Variants in IL17RE observed in about 807,000 individuals in gnomAD.
IL17RE encodes interleukin-17 receptor E.
Under a neutral mutation model 70.7 loss-of-function variants are expected in IL17RE, and 47 were observed. The ratio of observed to expected loss-of-function variants is 0.67; its 90% CI spans 0.53 to 0.85. IL17RE has a LOEUF of 0.85. Ranked by LOEUF, IL17RE falls within the 40% of genes least tolerant of loss-of-function variation. IL17RE has a pLI of 0.00. For synonymous variants in IL17RE, 372 were observed against 381.2 expected (o/e 0.98, Z 0.28); for missense variants, 850 against 893.9 (o/e 0.95, Z 0.63).
chr3:9,911,767 T>A, intron 12 of IL17RE, 170 bp downstream of exon 12: 1 of 605,454 alleles, frequency 1.7e-6, no homozygotes, highest in Non-Finnish European at 2.8e-6. Context: ...TTGCTGACAG[T>A]AGGTTCCTCA....
Position 9,911,127 on chromosome 3 carries a change from T to C in IL17RE, c.979T>C (p.Trp327Arg), listed in dbSNP as rs770102091. The change falls in exon 10 of 16, where the codon TGG (tryptophan) becomes CGG (arginine). Residue 327 changes from tryptophan (W) to arginine (R), a missense_variant and splice_region_variant. Physicochemically the swap from Trp to Arg is moderately radical, Grantham distance 101 (BLOSUM62 -3). Coordinates refer to ENST00000383814, the MANE Select transcript of IL17RE (RefSeq NM_153480.2). ...GATGAACTCTCCTCTCCTCCCACAG[T>C]GGTATGTTTTGGAGAAGGTGGACCT... ...PNATARESDG[W>R]YVLEKVDLHP... 5 of 1,613,970 alleles carry C rather than the reference T, an allele frequency of 3.1e-6. No homozygotes were observed. Among genetic ancestry groups the C allele is most frequent in the African/African-American group, 1.3e-5 (1 of 74,900 alleles).
rs747759318 is a variant in IL17RE, at chr3:9,906,456, G to C, written c.361G>C (p.Ala121Pro). Residue 121 changes from alanine to proline, a missense_variant, in exon 4 of 16, where the codon GCT becomes CCT. Transcript: ENST00000383814. ...TAGGAGACACAAGATGCCAGCACCT[G>C]CTCAGGTACTCTCCCTGTCAGTTCC... ...FYRRHKMPAPAQRKLLPRRHL... is the reference protein window; with the variant it reads ...FYRRHKMPAPPQRKLLPRRHL... 2 of 1,608,600 alleles carry C rather than the reference G, an allele frequency of 1.2e-6. No homozygotes were observed. The highest frequency in any genetic ancestry group is 1.7e-5 in the Admixed American group (1 of 59,978).
At chr3:9,902,512 A>G, upstream of IL17RE, 2 of 971,062 alleles carry the variant, frequency 2.1e-6, no homozygotes, top group African/African-American at 1.6e-5. Context: ...CTAATTCTCT[A>G]AGTGAGGGGG....
At chr3:9,913,843 G>A in intron 12 of IL17RE, 113 bp from the exon 13 acceptor site, 2 of 835,778 alleles carry the variant, frequency 2.4e-6, no homozygotes, top group East Asian at 2.5e-5. Context: ...CTTGGCCTAA[G>A]CCTCGTAGGA....
At position 9,911,239 on chromosome 3, in the gene IL17RE, T is replaced by C; in HGVS notation, c.1027-16T>C. ...TTGCCTGGAGCTTGCTAATCTGCCA[T>C]TCCTGTATTTCTCAGTTCTCTTTTG... On this transcript the variant is annotated splice_polypyrimidine_tract_variant and intron_variant, in intron 10 of 15. Transcript: ENST00000383814. 1 of 1,614,226 alleles carries C rather than the reference T, an allele frequency of 6.2e-7. No individual in the cohort carries two copies. Among genetic ancestry groups the C allele is most frequent in the Non-Finnish European group, 8.5e-7 (1 of 1,180,030 alleles).
At chr3:9,902,629 C>G, upstream of IL17RE, 1 of 1,536,136 alleles carries the variant, frequency 6.5e-7, no homozygotes, top group Non-Finnish European at 8.7e-7. Context: ...GGTGCGTCCC[C>G]CAACCTGATG....
intron 8 of IL17RE, chr3:9,910,376 A>C (rs1204152322): frequency 1.9e-5 from 3 of 158,918 alleles, no homozygotes; most frequent in Middle Eastern, 3.4e-3. Flanking sequence ...CAAAAAAAAA[A>C]ACAAAAAACA....
chr3:9,904,511 G>A (rs279587), intron 3 of IL17RE, among the ~76,000 whole-genome samples: 76,154 of 151,940 alleles, frequency 0.5, 19,695 homozygotes, highest in Middle Eastern at 0.56. Flanking sequence ...TAGGCCAGGC[G>A]CGGTGGCTCA....
chr3:9,914,680 C>G lies in IL17RE; in HGVS notation c.1350C>G (p.Val450=). 1 of 1,614,118 alleles carries G rather than the reference C, an allele frequency of 6.2e-7. No individual in the cohort carries two copies. The highest frequency in any genetic ancestry group is 8.5e-7 in the Non-Finnish European group (1 of 1,179,970). The change falls in exon 15 of 16, where the codon GTC becomes GTG. Residue 450 remains valine (V), a splice_region_variant and synonymous_variant. Coordinates refer to ENST00000383814, the MANE Select transcript of IL17RE (RefSeq NM_153480.2). ...TTGGCCTCATCCTGCTTGACTCAGT[C>G]TCTTACAGACACCTGGGGCTCTTGA... ...FAWKHLLCPD[V]SYRHLGLLIL... is the part of the protein sequence containing the mutation.
chr3:9,905,470 A>C (rs2082731157), intron 3 of IL17RE, among the ~76,000 whole-genome samples: 1 of 151,374 alleles, frequency 6.6e-6, no homozygotes, highest in Admixed American at 6.6e-5. Context: ...GGAAGGAAGG[A>C]AGGAAGGAAC....
chr3:9,911,799 C>CT (rs1559274510), intron 12 of IL17RE: 1 of 478,010 alleles, frequency 2.1e-6, no homozygotes, highest in Non-Finnish European at 3.6e-6. Context: ...TCTTTTTTTT[C>CT]TTTTTTTCTT....
chr3:9,916,005 C>T lies in IL17RE; in HGVS notation c.*198C>T. Reference sequence around the variant, plus strand: ...GTCCCTCTTCCTCCTCATACTTTCCCTTGACTGAGAGCTCCTCTAACCCCT... The same window carrying T: ...GTCCCTCTTCCTCCTCATACTTTCCTTTGACTGAGAGCTCCTCTAACCCCT... On this transcript the variant is annotated 3_prime_UTR_variant, in exon 16 of 16. Transcript: ENST00000383814. 2 of 971,570 alleles carry T rather than the reference C, an allele frequency of 2.1e-6. No individual in the cohort carries two copies. The highest frequency in any genetic ancestry group is 4.9e-5 in the South Asian group (2 of 40,894). 60.2% of individuals were successfully genotyped at this position (971,570 alleles called of 1,614,324 possible). A position where few individuals can be genotyped will look rare whatever the true frequency, so the allele number is the denominator to read the frequency against.
Position 9,914,766 on chromosome 3 carries a change from G to T in IL17RE, c.1436G>T (p.Arg479Leu). The T allele has an allele frequency of 6.2e-7, 1 of 1,613,638 alleles. No individual in the cohort carries two copies. Among genetic ancestry groups the T allele is most frequent in the East Asian group, 2.2e-5 (1 of 44,868 alleles). The change falls in exon 15 of 16, where the codon CGC (arginine) becomes CTC (leucine). Residue 479 changes from arginine (R) to leucine (L), a missense_variant. By Grantham distance (102) the Arg-to-Leu change is moderately radical. Coordinates refer to ENST00000383814, the MANE Select transcript of IL17RE (RefSeq NM_153480.2). ...LGVVLALTCRRPQSGPGPARP... is the reference protein window; with the variant it reads ...LGVVLALTCRLPQSGPGPARP... ...GTTGTTCTGGCCCTCACCTGCCGGC[G>T]CCCACAGTCAGGTAAGCTCACCTGG...
chr3:9,915,492 C>G lies in IL17RE; in HGVS notation c.1689C>G (p.Asp563Glu). The change falls in exon 16 of 16, where the codon GAC (aspartate) becomes GAG (glutamate). Residue 563 changes from aspartate (D) to glutamate (E), a missense_variant. Physicochemically the swap from Asp to Glu is conservative, Grantham distance 45 (BLOSUM62 2). Transcript: ENST00000383814. This position sits in a 1 kb window ranked among gnomAD's most constrained non-coding sequence, Gnocchi z 4.9. ...TGCTGCTGCTGTGGAGCGGCGCCGA[C>G]CTTCGCCCGGTCAGCGGCCCCGACC... ...GTVLLLWSGADLRPVSGPDPR... is the reference protein window; with the variant it reads ...GTVLLLWSGAELRPVSGPDPR... 2.3e-6 allele frequency: 3 copies of G among 1,314,672 alleles called. No homozygotes were observed. The highest frequency in any genetic ancestry group is 2.9e-6 in the Non-Finnish European group (3 of 1,040,868). 81.4% of individuals were successfully genotyped at this position (1,314,672 alleles called of 1,614,324 possible).
At position 9,910,988 on chromosome 3, in the gene IL17RE, G is replaced by A; in HGVS notation, c.926G>A (p.Trp309Ter). 6.2e-7 allele frequency: 1 copy of A among 1,614,176 alleles called. No homozygotes were observed. Among genetic ancestry groups the A allele is most frequent in the Non-Finnish European group, 8.5e-7 (1 of 1,180,028 alleles). ...GCTGCCCTCTGCCAGAGGCACGACT[G>A]GCATACCCTTTGCAAAGACCTCCCG... The part of the protein sequence containing the change: ...LEAALCQRHD[W>*]HTLCKDLPNA... Residue 309 changes from tryptophan to a stop codon, truncating the protein, a stop_gained, in exon 9 of 16, where the codon TGG becomes TAG. Coordinates refer to ENST00000383814, the MANE Select transcript of IL17RE (RefSeq NM_153480.2). LOFTEE classifies it high-confidence loss of function.
intron 6 of IL17RE, 100 bp from the exon 7 acceptor site, chr3:9,908,139 A>C: frequency 1.1e-6 from 1 of 906,694 alleles, no homozygotes; most frequent in Non-Finnish European, 1.8e-6. Flanking sequence ...GAGGAAAAAC[A>C]GGGTGTGTTG....
Position 9,907,007 on chromosome 3 carries a change from G to T in IL17RE, c.573G>T (p.Arg191=). The part of the protein sequence containing the change: ...FDLLPEARAI[R]VTISSGPEVS... Reference sequence around the variant, plus strand: ...TGCTGCCTGAGGCCCGGGCTATTCGGGTGACCATATCTTCAGGCCCTGAGG... The same window carrying T: ...TGCTGCCTGAGGCCCGGGCTATTCGTGTGACCATATCTTCAGGCCCTGAGG... The change falls in exon 6 of 16, where the codon CGG becomes CGT. Residue 191 remains arginine, a synonymous_variant. Coordinates refer to ENST00000383814, the MANE Select transcript of IL17RE (RefSeq NM_153480.2). The T allele has an allele frequency of 1.2e-6, 2 of 1,614,128 alleles. No homozygotes were observed. Among genetic ancestry groups the T allele is most frequent in the Non-Finnish European group, 1.7e-6 (2 of 1,180,036 alleles).
chr3:9,911,999 C>T (rs1225706918), intron 12 of IL17RE, among the ~76,000 whole-genome samples: 1 of 152,046 alleles, frequency 6.6e-6, no homozygotes, highest in South Asian at 2.1e-4. Flanking sequence ...ATCCGTGAGC[C>T]GCAGACCAGT....
chr3:9,907,511 A>T (rs577980966), intron 6 of IL17RE, among the ~76,000 whole-genome samples: 9 of 152,316 alleles, frequency 5.9e-5, no homozygotes, highest in Non-Finnish European at 1.3e-4. Flanking sequence ...GCCATGAATG[A>T]CCATGAATGA....
Sources: gnomAD v4.1 joint callset for allele counts (sites outside exome capture counted in the v4.1 genomes callset) on GRCh38, gnomAD v4.1.1 for gene constraint, Gnocchi (gnomAD v3.1) non-coding constraint, MANE v1.5 for transcripts, NCBI Gene and HGNC (gene_info 2026-07-23, HGNC 2026-07-21) for gene names.